The following DLEU7 variants were observed in gnomAD, a reference collection of about 807,000 sequenced individuals.
DLEU7 encodes leukemia-associated protein 7.
Under a neutral mutation model 16.0 loss-of-function variants are expected in DLEU7, and 17 were observed. The ratio of observed to expected loss-of-function variants is 1.06; its 90% CI spans 0.73 to 1.59. DLEU7 has a LOEUF of 1.59. Among genes scored for constraint, DLEU7 ranks in the 40% most tolerant of loss-of-function variants. DLEU7 has a pLI of 0.00. For synonymous variants in DLEU7, 113 were observed against 139.8 expected (o/e 0.81, Z 1.35); for missense variants, 308 against 314.9 (o/e 0.98, Z 0.17).
rs1389352482 is a variant in DLEU7 at position 50,775,285 on chromosome 13, T to C, written c.460-62045A>G. 2.0e-4 allele frequency among the ~76,000 whole-genome samples: 31 copies of C among 152,150 alleles called. 1 individual carries two copies. The highest frequency in any genetic ancestry group is 2.0e-3 in the Admixed American group (31 of 15,268). On this transcript the variant is annotated intron_variant, in intron 1 of 1. Coordinates refer to the DLEU7 transcript ENST00000400393. ...CTAAATTACAGGCAGATGAACTTGATTTATGAAGCTTGGTTTTAGGCTGTT... is the reference window on the plus strand; with the variant it reads ...CTAAATTACAGGCAGATGAACTTGACTTATGAAGCTTGGTTTTAGGCTGTT...
At chr13:50,720,437 C>T (rs1473073714) in intron 1 of DLEU7, among the ~76,000 whole-genome samples, 1 of 152,188 alleles carries the variant, frequency 6.6e-6, no homozygotes, top group Non-Finnish European at 1.5e-5. Context: ...TAGTGCTTTG[C>T]CTCCTGCATT....
At chr13:50,722,331 A>G (rs1316459468) in intron 1 of DLEU7, among the ~76,000 whole-genome samples, 1 of 152,256 alleles carries the variant, frequency 6.6e-6, no homozygotes, top group Non-Finnish European at 1.5e-5. Context: ...AGGAGGAACC[A>G]GTGGGAACAC....
chr13:50,724,831 A>G (rs1873722973), intron 1 of DLEU7, among the ~76,000 whole-genome samples: 1 of 152,172 alleles, frequency 6.6e-6, no homozygotes, highest in East Asian at 1.9e-4. Context: ...ACTGGTTGCC[A>G]CACTAAAAGG....
chr13:50,789,045 ATCGTCGTATTGCCAAACAGAGCC>A (rs1875871822), intron 1 of DLEU7, among the ~76,000 whole-genome samples: 1 of 152,102 alleles, frequency 6.6e-6, no homozygotes, highest in Non-Finnish European at 1.5e-5. Context: ...CATCTGGAGC[ATCGTCGTATTGCCAAACAGAGCC>A]TCGTCACAAC....
intron 1 of DLEU7, among the ~76,000 whole-genome samples, chr13:50,732,666 G>A (rs1357161127): frequency 4.4e-5 from 6 of 137,690 alleles, no homozygotes; most frequent in Non-Finnish European, 6.2e-5. Context: ...AGACTTGAAA[G>A]AATGAGTTAA....
chr13:50,747,332 CTGTGTGTGTGTG>C (rs3039979), intron 1 of DLEU7, among the ~76,000 whole-genome samples: 14 of 137,808 alleles, frequency 1.0e-4, no homozygotes, highest in South Asian at 2.4e-4. Context: ...AAGAAAAACT[CTGTGTGTGTGTG>C]TGTGTGTGTG....
chr13:50,814,729 A>T (rs890011533), intron 1 of DLEU7, among the ~76,000 whole-genome samples: 2 of 143,830 alleles, frequency 1.4e-5, no homozygotes, highest in African/African-American at 5.1e-5. Context: ...TGATGAAAAC[A>T]GTTTTCATCA....
intron 1 of DLEU7, among the ~76,000 whole-genome samples, chr13:50,736,928 T>A (rs1038292265): frequency 1.3e-5 from 2 of 151,976 alleles, no homozygotes; most frequent in Non-Finnish European, 2.9e-5. Context: ...CCTTGAAAAA[T>A]ACAACTTACA....
At chr13:50,749,623 T>A (rs1316588433) in intron 1 of DLEU7, among the ~76,000 whole-genome samples, 1 of 152,214 alleles carries the variant, frequency 6.6e-6, no homozygotes, top group East Asian at 1.9e-4. Flanking sequence ...TTTTTTATTA[T>A]GGCCATTCTT....
intron 1 of DLEU7, among the ~76,000 whole-genome samples, chr13:50,823,763 A>G (rs1480946704): frequency 1.3e-5 from 2 of 152,236 alleles, no homozygotes; most frequent in Non-Finnish European, 2.9e-5. Context: ...AGCCAAGGCC[A>G]ATAGGCCACA....
Position 50,843,398 on chromosome 13 carries a change from C to T in DLEU7, c.249G>A (p.Ala83=). The T allele has an allele frequency of 2.3e-6, 3 of 1,328,348 alleles. No homozygotes were observed. Among genetic ancestry groups the T allele is most frequent in the Non-Finnish European group, 2.9e-6 (3 of 1,043,276 alleles). 82.3% of individuals were successfully genotyped at this position (1,328,348 alleles called of 1,614,324 possible). ...GCACTACCTCCTCCTCTGGGGAGTT[C>T]GCCCGCGCCGCGGTCCGCCGACTCC... ...GTRSRRTAAR[A]NSPEEEVVRG... The change falls in exon 1 of 2, where the codon GCG becomes GCA. Residue 83 remains alanine, a synonymous_variant. Transcript: ENST00000504404. The surrounding 1 kb of genome is among the most constrained non-coding windows in gnomAD (Gnocchi z 5.7).
chr13:50,805,839 G>A (rs76567290), intron 1 of DLEU7, among the ~76,000 whole-genome samples: 26,917 of 151,976 alleles, frequency 0.18, 4,209 homozygotes, highest in African/African-American at 0.42. Context: ...TTCTTTTTTG[G>A]GAAGTAAAGT....
intron 1 of DLEU7, among the ~76,000 whole-genome samples, chr13:50,775,835 A>C (rs80086829): frequency 0.01 from 1,557 of 152,302 alleles, 22 homozygotes; most frequent in African/African-American, 0.034. Flanking sequence ...TCACTTTGCC[A>C]TTAGTCTCTT....
At chr13:50,796,115 C>T (rs1876102129) in intron 1 of DLEU7, among the ~76,000 whole-genome samples, 1 of 152,030 alleles carries the variant, frequency 6.6e-6, no homozygotes, top group South Asian at 2.1e-4. Flanking sequence ...CCAAGACCAC[C>T]AGTGGATGCC....
chr13:50,800,623 C>G (rs1449795570), intron 1 of DLEU7, among the ~76,000 whole-genome samples: 1 of 152,092 alleles, frequency 6.6e-6, no homozygotes, highest in Non-Finnish European at 1.5e-5. Context: ...AAACTTCTGC[C>G]CATCCTCCCC....
chr13:50,805,893 T>C (rs1400987442), intron 1 of DLEU7, among the ~76,000 whole-genome samples: 1 of 152,218 alleles, frequency 6.6e-6, no homozygotes, highest in Non-Finnish European at 1.5e-5. Flanking sequence ...TGTACATGGT[T>C]GCTTCAGCAC....
intron 1 of DLEU7, among the ~76,000 whole-genome samples, chr13:50,714,340 A>G (rs1162939587): frequency 1.3e-5 from 2 of 151,556 alleles, no homozygotes; most frequent in Admixed American, 1.3e-4. Flanking sequence ...TGGGATCTCA[A>G]CTCCTTCTCC....
intron 1 of DLEU7, among the ~76,000 whole-genome samples, chr13:50,760,377 G>T (rs12429476): frequency 6.6e-5 from 10 of 152,168 alleles, no homozygotes; most frequent in Admixed American, 6.5e-4. Flanking sequence ...CAATGGGAGG[G>T]CAGGGACAGG....
intron 1 of DLEU7, among the ~76,000 whole-genome samples, chr13:50,832,237 A>G (rs1230231124): frequency 1.3e-5 from 2 of 152,104 alleles, no homozygotes; most frequent in Non-Finnish European, 2.9e-5. Flanking sequence ...CTAGGAATTT[A>G]TCAATTTTCT....
Sources: allele counts gnomAD v4.1 joint callset (sites outside exome capture counted in the v4.1 genomes callset), GRCh38; gene constraint gnomAD v4.1.1; non-coding constraint Gnocchi (gnomAD v3.1); transcripts MANE v1.5; gene names NCBI Gene and HGNC (gene_info 2026-07-23, HGNC 2026-07-21).